TREM1: variants seen among roughly 807,000 people sequenced by gnomAD.
TREM1 encodes the protein triggering receptor expressed on myeloid cells 1, also known as triggering receptor expressed on monocytes 1.
In TREM1, 16 loss-of-function variants were observed where a neutral mutation model predicts 22.4. The ratio of observed to expected loss-of-function variants is 0.71; its 90% CI spans 0.48 to 1.08. The LOEUF is 1.08. TREM1 is among the 50% of genes least tolerant of loss of function. The probability of loss-of-function intolerance (pLI) is 0.00; values close to 1 mark genes in which losing one functional copy is unlikely to be tolerated. For synonymous variants in TREM1, 110 were observed against 111.6 expected (o/e 0.99, Z 0.09); for missense variants, 283 against 282.9 (o/e 1.00, Z 0.00).
chr6:41,282,630 T>G lies in TREM1; in HGVS notation c.171A>C (p.Ile57=). The G allele has an allele frequency of 6.2e-7, 1 of 1,614,202 alleles. No homozygotes were observed. The highest frequency in any genetic ancestry group is 8.5e-7 in the Non-Finnish European group (1 of 1,180,036). The change falls in exon 2 of 4, where the codon ATA becomes ATC. Residue 57 remains isoleucine, a synonymous_variant. Coordinates refer to ENST00000244709, the MANE Select transcript of TREM1 (RefSeq NM_018643.5). ...TCTTGGGCATCTCTCCGTCCCTTAT[T>G]ATCTGCCAAGCTTTCTGGCTGCTGG... is the stretch of plus-strand genomic sequence containing the variant. ...KFASSQKAWQ[I]IRDGEMPKTL... is the part of the protein sequence containing the mutation.
chr6:41,286,335 GATCTACTCT>G (rs1436719340), intron 1 of TREM1, among the ~76,000 whole-genome samples: 5 of 152,174 alleles, frequency 3.3e-5, no homozygotes, highest in Non-Finnish European at 7.3e-5. Context: ...GCCATGATGA[GATCTACTCT>G]ATCATTATTC....
In TREM1 at chr6:41,276,128, G is replaced by C. The variant is rs370878011; in HGVS notation, c.702C>G (p.Pro234=). The C allele has an allele frequency of 2.0e-5, 32 of 1,613,492 alleles. No individual in the cohort carries two copies. The highest frequency in any genetic ancestry group is 2.5e-5 in the Non-Finnish European group (30 of 1,179,542). ...ACATTCTCGTGGGTTCGTGGGCCTA[G>C]GGTACAAATGACCTCAGCGTGACAG... ...LFAVTLRSFV[P] is the part of the protein sequence containing the mutation. The change falls in exon 4 of 4, where the codon CCC becomes CCG. Residue 234 remains proline, a synonymous_variant. Coordinates refer to ENST00000244709, the MANE Select transcript of TREM1 (RefSeq NM_018643.5).
chr6:41,273,842 C>A lies in TREM1; in HGVS notation c.*2283G>T, dbSNP rs752320620. 6.6e-6 allele frequency among the ~76,000 whole-genome samples: 1 copy of A among 152,166 alleles called. No individual in the cohort carries two copies. The highest frequency in any genetic ancestry group is 1.5e-5 in the Non-Finnish European group (1 of 68,032). ...CTGCCACCACCTGCCAGGGAGGGAG[C>A]CCTGAGGACAGAAACCCTGATCTGA... On this transcript the variant is annotated 3_prime_UTR_variant, in exon 4 of 4. Coordinates refer to ENST00000244709, the MANE Select transcript of TREM1 (RefSeq NM_018643.5).
chr6:41,272,435 G>A (rs1439991807), downstream of TREM1, among the ~76,000 whole-genome samples: 1 of 152,192 alleles, frequency 6.6e-6, no homozygotes, highest in African/African-American at 2.4e-5. Context: ...CCGGGTTCAA[G>A]CCTTTCTGCT....
chr6:41,281,965 G>C (rs1046274170), intron 2 of TREM1: 1 of 170,472 alleles, frequency 5.9e-6, no homozygotes, highest in Admixed American at 5.4e-5. Context: ...TAGAGATGCA[G>C]ACCCCTGTAC....
At chr6:41,284,989 T>G (rs1380003898) in intron 1 of TREM1, among the ~76,000 whole-genome samples, 1 of 152,260 alleles carries the variant, frequency 6.6e-6, no homozygotes, top group Non-Finnish European at 1.5e-5. Flanking sequence ...ATTTGTTCAC[T>G]CACTCATCAG....
At chr6:41,280,919 C>T (rs781182950) in intron 3 of TREM1, 42 bp downstream of exon 3, 2 of 1,613,906 alleles carry the variant, frequency 1.2e-6, no homozygotes, top group Non-Finnish European at 1.7e-6. Context: ...AAACAAAGGG[C>T]TCAGTGTCCA....
At position 41,281,020 on chromosome 6, in the gene TREM1, A is replaced by C; in HGVS notation, c.540T>G (p.Thr180=). The change falls in exon 3 of 4, where the codon ACT becomes ACG. Residue 180 remains threonine (T), a synonymous_variant. Transcript: ENST00000244709. ...CAGAGTCAGGAGTGGAGACATCGGC[A>C]GTTGACTTGGGTGGAGCTTGGGTCA... ...RTVTQAPPKS[T]ADVSTPDSEI... is the part of the protein sequence containing the mutation. 6.2e-7 allele frequency: 1 copy of C among 1,614,246 alleles called. No individual in the cohort carries two copies.
chr6:41,279,432 T>C, intron 3 of TREM1: 1 of 750,430 alleles, frequency 1.3e-6, no homozygotes, highest in Non-Finnish European at 1.6e-6. Flanking sequence ...AGCTTACACT[T>C]AAGGCCCTCC....
chr6:41,270,468 T>TATATATATATATATATATA (rs1767450675), downstream of TREM1, among the ~76,000 whole-genome samples: 1 of 5,744 alleles, frequency 1.7e-4, no homozygotes, highest in Admixed American at 3.2e-3. Flanking sequence ...TATATATATA[T>TATATATATATATATATATA]ATATATATAT....
chr6:41,273,941 C>T lies in TREM1; in HGVS notation c.*2184G>A, dbSNP rs533009950. ...CAGCCAGAAGCTGGCAGCCAGGGAGCCTGCTGGTTTAGCCACATTGGTCAG... is the reference window on the plus strand; with the variant it reads ...CAGCCAGAAGCTGGCAGCCAGGGAGTCTGCTGGTTTAGCCACATTGGTCAG... On this transcript the variant is annotated 3_prime_UTR_variant, in exon 4 of 4. Coordinates refer to ENST00000244709, the MANE Select transcript of TREM1 (RefSeq NM_018643.5). Among the ~76,000 whole-genome samples, 15 of 152,354 alleles carry T rather than the reference C, an allele frequency of 9.8e-5. No individual in the cohort carries two copies. The highest frequency in any genetic ancestry group is 3.1e-4 in the African/African-American group (13 of 41,596).
At chr6:41,269,146 T>G (rs890704802), downstream of TREM1, among the ~76,000 whole-genome samples, 4 of 152,166 alleles carry the variant, frequency 2.6e-5, no homozygotes, top group African/African-American at 9.7e-5. Context: ...GAAAAGAGTT[T>G]TATAGAAAAA....
chr6:41,276,645 A>G (rs1022060970), intron 3 of TREM1, among the ~76,000 whole-genome samples: 1 of 152,204 alleles, frequency 6.6e-6, no homozygotes, highest in Non-Finnish European at 1.5e-5. Flanking sequence ...AAATCTCATC[A>G]TGAATTTTAT....
chr6:41,273,966 G>A lies in TREM1; in HGVS notation c.*2159C>T, dbSNP rs566108758. ...CCTGCTGGTTTAGCCACATTGGTCA[G>A]GTTCCCAGGCAGGATGGGGAGGATG... On this transcript the variant is annotated 3_prime_UTR_variant, in exon 4 of 4. Coordinates refer to ENST00000244709, the MANE Select transcript of TREM1 (RefSeq NM_018643.5). Among the ~76,000 whole-genome samples the A allele has an allele frequency of 6.6e-6, 1 of 152,370 alleles. No homozygotes were observed. Among genetic ancestry groups the A allele is most frequent in the African/African-American group, 2.4e-5 (1 of 41,594 alleles).
downstream of TREM1, among the ~76,000 whole-genome samples, chr6:41,270,969 G>A (rs547508777): frequency 6.6e-6 from 1 of 152,278 alleles, no homozygotes; most frequent in Non-Finnish European, 1.5e-5. Context: ...GCCTCCCAAA[G>A]TGTTGGGATT....
chr6:41,276,289 T>G (rs765223882), intron 3 of TREM1, 59 bp from the exon 4 acceptor site: 345 of 1,295,920 alleles, frequency 2.7e-4, no homozygotes, highest in Non-Finnish European at 3.4e-4. Context: ...CACGCACATG[T>G]TCCCTCTAGA....
At chr6:41,283,650 T>G (rs1394828114) in intron 1 of TREM1, among the ~76,000 whole-genome samples, 1 of 151,544 alleles carries the variant, frequency 6.6e-6, no homozygotes, top group East Asian at 1.9e-4. Context: ...AGGTGGAGGT[T>G]ACAGTGAGCC....
chr6:41,271,678 C>G (rs1362185228), downstream of TREM1, among the ~76,000 whole-genome samples: 1 of 152,198 alleles, frequency 6.6e-6, no homozygotes, highest in Non-Finnish European at 1.5e-5. Context: ...CTCTCAACTT[C>G]AAGATGCAGT....
chr6:41,274,781 G>A lies in TREM1; in HGVS notation c.*1344C>T, dbSNP rs1002710456. 2.0e-5 allele frequency among the ~76,000 whole-genome samples: 3 copies of A among 152,168 alleles called. No homozygotes were observed. The South Asian group carries it at 6.2e-4, about 31-fold the overall frequency. On this transcript the variant is annotated 3_prime_UTR_variant, in exon 4 of 4. Coordinates refer to ENST00000244709, the MANE Select transcript of TREM1 (RefSeq NM_018643.5). ...CCTTATGCGATGGAGCAGTCTGGAA[G>A]CTGGACCTCCCCGTGCAGGGAACTT...
Sources: allele counts gnomAD v4.1 joint callset (sites outside exome capture counted in the v4.1 genomes callset), GRCh38; gene constraint gnomAD v4.1.1; transcripts MANE v1.5; gene names NCBI Gene and HGNC (gene_info 2026-07-23, HGNC 2026-07-21).